The following NAP1L4 variants were observed in gnomAD, a reference collection of about 807,000 sequenced individuals.
NAP1L4 encodes the protein nucleosome assembly protein 1 like 4.
NAP1L4 carries 15 observed loss-of-function variants against 58.2 expected under a neutral mutation model. That is an observed-to-expected ratio of 0.26 (90% CI 0.17 to 0.40). The LOEUF is 0.40. NAP1L4 is among the 10% of genes least tolerant of loss of function. NAP1L4 has a pLI of 1.00. For missense variants in NAP1L4, 384 were observed against 451.1 expected, an observed-to-expected ratio of 0.85 and a Z score of 1.35; for synonymous variants, 171 against 155.6, an observed-to-expected ratio of 1.10 and a Z score of -0.74.
At chr11:2,991,181 G>A (rs1166226967) in intron 1 of NAP1L4, 3 of 455,514 alleles carry the variant, frequency 6.6e-6, no homozygotes, top group East Asian at 1.4e-4. Context: ...GGGTCTAAAG[G>A]TCCCAAGGCT....
chr11:2,973,186 C>G (rs1221873842), intron 4 of NAP1L4, among the ~76,000 whole-genome samples: 1 of 152,230 alleles, frequency 6.6e-6, no homozygotes, highest in Admixed American at 6.5e-5. Flanking sequence ...AGACCACAGG[C>G]AACACAACTT....
chr11:2,958,796 C>G, intron 9 of NAP1L4: 1 of 504,050 alleles, frequency 2.0e-6, no homozygotes, highest in South Asian at 2.7e-5. Context: ...TTTCCCAAGA[C>G]ATTTCATCAG....
At chr11:2,961,020 G>A (rs545556232) in intron 8 of NAP1L4, among the ~76,000 whole-genome samples, 75 of 152,234 alleles carry the variant, frequency 4.9e-4, no homozygotes, top group African/African-American at 1.7e-3. Context: ...TCCCTCTCTA[G>A]GAGCTGCCTT....
chr11:2,974,938 GA>G (rs1394931350), intron 4 of NAP1L4, among the ~76,000 whole-genome samples: 2 of 152,160 alleles, frequency 1.3e-5, no homozygotes, highest in African/African-American at 4.8e-5. Flanking sequence ...TGAGGCAGGA[GA>G]ATCACTTGAA....
In NAP1L4 at chr11:2,949,586, G is replaced by A. The variant is rs1037753553; in HGVS notation, c.1123-322C>T. 6.6e-6 allele frequency among the ~76,000 whole-genome samples: 1 copy of A among 152,192 alleles called. No homozygotes were observed. Among genetic ancestry groups the A allele is most frequent in the African/African-American group, 2.4e-5 (1 of 41,436 alleles). On this transcript the variant is annotated intron_variant, in intron 14 of 15. Coordinates refer to ENST00000380542, the MANE Select transcript of NAP1L4 (RefSeq NM_005969.4). This position sits in a 1 kb window ranked among gnomAD's most constrained non-coding sequence, Gnocchi z 4.0. The stretch of plus-strand genomic sequence containing the variant: ...GCTTGGCCTTATCCTGGCCACACAT[G>A]CCGGGCCGTCTCTGAACTTCATTCA...
intron 1 of NAP1L4, among the ~76,000 whole-genome samples, chr11:2,985,559 C>T (rs1465161638): frequency 6.6e-6 from 1 of 152,140 alleles, no homozygotes; most frequent in African/African-American, 2.4e-5. Context: ...TGAAAAATTG[C>T]TGAGAGTAGA....
chr11:2,986,334 A>T (rs1848613892), intron 1 of NAP1L4, among the ~76,000 whole-genome samples: 1 of 149,686 alleles, frequency 6.7e-6, no homozygotes, highest in Non-Finnish European at 1.5e-5. Context: ...AGATTGCCCC[A>T]CTAGACTCCA....
At chr11:2,988,767 G>A (rs954081161) in intron 1 of NAP1L4, among the ~76,000 whole-genome samples, 1 of 151,996 alleles carries the variant, frequency 6.6e-6, no homozygotes, top group African/African-American at 2.4e-5. Context: ...AGTTAACAGG[G>A]GATACTTGTA....
At chr11:2,960,854 T>C (rs1295647375) in intron 8 of NAP1L4, among the ~76,000 whole-genome samples, 2 of 152,202 alleles carry the variant, frequency 1.3e-5, no homozygotes, top group Non-Finnish European at 2.9e-5. Flanking sequence ...AAGATGCGCT[T>C]GGTTGAGTAA....
chr11:2,965,129 TGAG>T (rs1312874060), intron 7 of NAP1L4, among the ~76,000 whole-genome samples: 22 of 152,188 alleles, frequency 1.4e-4, no homozygotes, highest in African/African-American at 5.3e-4. Flanking sequence ...TCAGCCTCTC[TGAG>T]GAGAAAGAGC....
Position 2,969,922 on chromosome 11 carries a change from T to A in NAP1L4, c.415A>T (p.Ser139Cys). The A allele has an allele frequency of 6.2e-7, 1 of 1,611,804 alleles. No individual in the cohort carries two copies. The highest frequency in any genetic ancestry group is 8.5e-7 in the Non-Finnish European group (1 of 1,178,918). ...EEEKLAGDMKSKVVVTEKAAA... is the reference protein window; with the variant it reads ...EEEKLAGDMKCKVVVTEKAAA... ...GCTTTTTCTGTGACGACTACTTTAC[T>A]TTTCATGTCTCCCTAAAAAAAAGAT... Residue 139 changes from serine to cysteine, a missense_variant, in exon 7 of 16, where the codon AGT becomes TGT. Transcript: ENST00000380542.
chr11:2,988,058 G>A (rs1848747876), intron 1 of NAP1L4: 1 of 152,228 alleles, frequency 6.6e-6, no homozygotes, highest in Non-Finnish European at 1.5e-5. Flanking sequence ...TTGGTTACAA[G>A]ATCTACTGAA....
intron 10 of NAP1L4, among the ~76,000 whole-genome samples, chr11:2,957,085 AAAC>A (rs1183932026): frequency 1.3e-5 from 2 of 152,148 alleles, no homozygotes; most frequent in Non-Finnish European, 2.9e-5. Context: ...CTAAAAAAAA[AAAC>A]ACTTAAAAAT....
At chr11:2,991,981 T>G (rs1272680129) in intron 1 of NAP1L4, 1 of 151,970 alleles carries the variant, frequency 6.6e-6, no homozygotes, top group Non-Finnish European at 1.5e-5. Context: ...TGACCTTCAG[T>G]GAGGCGGGCA....
rs1398073858 is a variant in NAP1L4 at position 2,948,690 on chromosome 11, G to A, written c.*32+537C>T. Among the ~76,000 whole-genome samples, 1 of 152,218 alleles carries A rather than the reference G, an allele frequency of 6.6e-6. No homozygotes were observed. The highest frequency in any genetic ancestry group is 6.5e-5 in the Admixed American group (1 of 15,288). ...ACTGCTGACACCAAAACAGATGCCA[G>A]TTCATGTTTCAGATAAAAAATGCTG... On this transcript the variant is annotated intron_variant, in intron 15 of 15. Transcript: ENST00000380542. The surrounding 1 kb of genome is among the most constrained non-coding windows in gnomAD (Gnocchi z 5.1).
intron 8 of NAP1L4, 119 bp from the exon 9 acceptor site, chr11:2,960,028 T>G: frequency 9.4e-7 from 1 of 1,065,796 alleles, no homozygotes; most frequent in South Asian, 1.7e-5. Context: ...GATAGGGCCA[T>G]GAACAAGAAA....
intron 1 of NAP1L4, chr11:2,989,177 C>G (rs1265839553): frequency 1.3e-5 from 2 of 152,150 alleles, no homozygotes; most frequent in Admixed American, 6.5e-5. Flanking sequence ...ACAGCAGTTT[C>G]CTGCAGAGAT....
chr11:2,959,957 C>A lies in NAP1L4; in HGVS notation c.607-48G>T, dbSNP rs766702032. Reference sequence around the variant, plus strand: ...AGCACCAGTTAAAATAGAAAAATAACGAGGACAGATTGCTTGGAGTACACA... The same window carrying A: ...AGCACCAGTTAAAATAGAAAAATAAAGAGGACAGATTGCTTGGAGTACACA... On this transcript the variant is annotated intron_variant, in intron 8 of 15. Coordinates refer to ENST00000380542, the MANE Select transcript of NAP1L4 (RefSeq NM_005969.4). This position sits in a 1 kb window ranked among gnomAD's most constrained non-coding sequence, Gnocchi z 4.9. The A allele has an allele frequency of 3.8e-6, 6 of 1,594,058 alleles. No homozygotes were observed. The South Asian group carries it at 5.6e-5, about 15-fold the overall frequency.
Position 2,951,911 on chromosome 11 carries a change from A to G in NAP1L4, c.1036-102T>C. 10 of 1,185,108 alleles carry G rather than the reference A, an allele frequency of 8.4e-6. No individual in the cohort carries two copies. Among genetic ancestry groups the G allele is most frequent in the Non-Finnish European group, 1.1e-5 (9 of 798,674 alleles). The allele number at this position is 1,185,108 out of a possible 1,614,324, so 73.4% of individuals were successfully genotyped here. A position where few individuals can be genotyped will look rare whatever the true frequency, so the allele number is the denominator to read the frequency against. On this transcript the variant is annotated intron_variant, in intron 12 of 15. Transcript: ENST00000380542. This position sits in a 1 kb window ranked among gnomAD's most constrained non-coding sequence, Gnocchi z 4.0. Reference sequence around the variant, plus strand: ...TGACTCACTGACCAAGCCTAAGAGGAGCAGAAAGTCCAGCCACGCTGCCTG... The same window carrying G: ...TGACTCACTGACCAAGCCTAAGAGGGGCAGAAAGTCCAGCCACGCTGCCTG...
Sources: allele counts gnomAD v4.1 joint callset (sites outside exome capture counted in the v4.1 genomes callset), GRCh38; gene constraint gnomAD v4.1.1; non-coding constraint Gnocchi (gnomAD v3.1); transcripts MANE v1.5; gene names NCBI Gene and HGNC (gene_info 2026-07-23, HGNC 2026-07-21).